RPA3: variants seen among roughly 807,000 people sequenced by gnomAD.
The protein encoded by RPA3 is replication protein A3, also known as replication protein A 14 kDa subunit.
RPA3 carries 24 observed loss-of-function variants against 13.7 expected under a neutral mutation model. The ratio of observed to expected loss-of-function variants is 1.75; its 90% CI spans 1.27 to 2.46. The LOEUF (loss-of-function observed/expected upper bound fraction) is 2.46. Ranked by LOEUF, RPA3 falls within the 30% of genes most tolerant of loss-of-function variation. The pLI is 0.00. For missense variants in RPA3, 183 were observed against 151.0 expected, an observed-to-expected ratio of 1.21 and a Z score of -1.11; for synonymous variants, 59 against 51.2, an observed-to-expected ratio of 1.15 and a Z score of -0.65.
intron 2 of RPA3, among the ~76,000 whole-genome samples, chr7:7,706,166 G>A (rs1780593932): frequency 6.6e-6 from 1 of 152,150 alleles, no homozygotes; most frequent in Admixed American, 6.5e-5. Context: ...CTGATTTGGG[G>A]AAGAGAGAGT....
rs56072266 is a variant in RPA3, at chr7:7,636,711, C to G, written c.*289G>C. On this transcript the variant is annotated 3_prime_UTR_variant, in exon 8 of 8. Coordinates refer to ENST00000223129, the MANE Select transcript of RPA3 (RefSeq NM_002947.5). ...ATTAAAAGAATGAAAATGAAATGAC[C>G]GATAGTACGTACCATTTTAGTTTTT... The G allele has an allele frequency of 3.7e-6, 1 of 272,320 alleles. No individual in the cohort carries two copies. Among genetic ancestry groups the G allele is most frequent in the South Asian group, 6.2e-5 (1 of 16,148 alleles). 16.9% of individuals were successfully genotyped at this position (272,320 alleles called of 1,614,324 possible).
At chr7:7,656,314 A>ATT (rs869099532) in intron 4 of RPA3, among the ~76,000 whole-genome samples, 1 of 150,878 alleles carries the variant, frequency 6.6e-6, no homozygotes, top group African/African-American at 2.4e-5. Flanking sequence ...ATTTAAAAAA[A>ATT]TTTTTTTTTT....
rs1319614687 is a variant in RPA3, at chr7:7,717,627, CTATT to C, written c.-1080+884_-1080+887del. 8.9e-4 allele frequency among the ~76,000 whole-genome samples: 135 copies of C among 152,274 alleles called. 1 individual carries two copies. Among genetic ancestry groups the C allele is most frequent in the Admixed American group, 8.6e-3 (131 of 15,294 alleles). ...TCAATCACATTGGCTAACATGGCCT[CTATT>C]TATTTAATTCATCTGTTTTTCCCAC... On this transcript the variant is annotated intron_variant, in intron 1 of 7. Transcript: ENST00000223129.
At chr7:7,657,389 T>G (rs1785369111) in intron 4 of RPA3, among the ~76,000 whole-genome samples, 1 of 152,360 alleles carries the variant, frequency 6.6e-6, no homozygotes, top group South Asian at 2.1e-4. Flanking sequence ...TCTTTGCCCA[T>G]GCCTATGTCC....
chr7:7,651,523 C>T (rs1785223405), intron 4 of RPA3, among the ~76,000 whole-genome samples: 1 of 152,162 alleles, frequency 6.6e-6, no homozygotes, highest in South Asian at 2.1e-4. Context: ...TATTATTTTC[C>T]CTATGGCCAT....
chr7:7,699,470 C>T (rs1780404879), intron 2 of RPA3, among the ~76,000 whole-genome samples: 2 of 151,906 alleles, frequency 1.3e-5, no homozygotes, highest in African/African-American at 4.9e-5. Flanking sequence ...AATCATTAAG[C>T]TGTTTAAAAA....
chr7:7,647,131 G>A (rs1343553826), intron 4 of RPA3, among the ~76,000 whole-genome samples: 1 of 152,122 alleles, frequency 6.6e-6, no homozygotes, highest in African/African-American at 2.4e-5. Flanking sequence ...AAACCTTTTA[G>A]ATCACTATAG....
intron 4 of RPA3, among the ~76,000 whole-genome samples, chr7:7,654,827 C>G (rs947695019): frequency 6.6e-6 from 1 of 150,780 alleles, no homozygotes; most frequent in Non-Finnish European, 1.5e-5. Flanking sequence ...TCGCTTGAAC[C>G]TGGAGGCAGA....
At chr7:7,662,614 CCT>C (rs2115092732) in intron 4 of RPA3, among the ~76,000 whole-genome samples, 1 of 152,280 alleles carries the variant, frequency 6.6e-6, no homozygotes, top group Admixed American at 6.5e-5. Context: ...GACACCCCAC[CCT>C]GTTTCTGTTC....
chr7:7,713,376 CAA>C, intron 2 of RPA3, among the ~76,000 whole-genome samples: 1 of 151,080 alleles, frequency 6.6e-6, no homozygotes, highest in Middle Eastern at 3.4e-3. Context: ...AACAAACAAA[CAA>C]ATCTAAGTTT....
intron 4 of RPA3, among the ~76,000 whole-genome samples, chr7:7,661,922 C>T (rs555177792): frequency 3.0e-4 from 46 of 152,286 alleles, no homozygotes; most frequent in African/African-American, 1.0e-3. Context: ...CCCCTTCCCC[C>T]GAGGTGCTCT....
At chr7:7,706,633 T>C (rs569117546) in intron 2 of RPA3, among the ~76,000 whole-genome samples, 1 of 152,288 alleles carries the variant, frequency 6.6e-6, no homozygotes, top group East Asian at 1.9e-4. Flanking sequence ...AGATAACTAA[T>C]AATAACTCAT....
chr7:7,658,310 C>G (rs1785393023), intron 4 of RPA3, among the ~76,000 whole-genome samples: 1 of 152,226 alleles, frequency 6.6e-6, no homozygotes. Flanking sequence ...ATTTCTTTCT[C>G]TTGCCTGATG....
At chr7:7,704,491 C>A (rs1164481046) in intron 2 of RPA3, among the ~76,000 whole-genome samples, 4 of 150,830 alleles carry the variant, frequency 2.7e-5, no homozygotes, top group Admixed American at 2.7e-4. Flanking sequence ...CGCGGTGGCT[C>A]ATGCCTGTAA....
intron 4 of RPA3, among the ~76,000 whole-genome samples, chr7:7,658,278 T>G (rs1785391978): frequency 6.6e-6 from 1 of 152,266 alleles, no homozygotes; most frequent in African/African-American, 2.4e-5. Context: ...TGGCTTCCTC[T>G]TTTCCTATTC....
At chr7:7,700,492 A>T (rs1170560476) in intron 2 of RPA3, among the ~76,000 whole-genome samples, 1 of 152,130 alleles carries the variant, frequency 6.6e-6, no homozygotes, top group Non-Finnish European at 1.5e-5. Flanking sequence ...TGGGAGGCCA[A>T]TGTGGGAAGA....
At chr7:7,703,526 A>C (rs77859148) in intron 2 of RPA3, among the ~76,000 whole-genome samples, 3,948 of 152,308 alleles carry the variant, frequency 0.026, 177 homozygotes, top group African/African-American at 0.09. Flanking sequence ...TTTGTAACCT[A>C]TATTGAATCC....
intron 4 of RPA3, among the ~76,000 whole-genome samples, chr7:7,677,584 T>G (rs1245947934): frequency 6.6e-6 from 1 of 152,226 alleles, no homozygotes; most frequent in South Asian, 2.1e-4. Flanking sequence ...AAGGACAGGA[T>G]TTCATTCTTT....
At chr7:7,653,887 TA>T (rs1785282763) in intron 4 of RPA3, among the ~76,000 whole-genome samples, 1 of 152,178 alleles carries the variant, frequency 6.6e-6, no homozygotes, top group South Asian at 2.1e-4. Flanking sequence ...CTAAACATGA[TA>T]CAGTGCTAAG....
Sources: allele counts gnomAD v4.1 joint callset (sites outside exome capture counted in the v4.1 genomes callset), GRCh38; gene constraint gnomAD v4.1.1; transcripts MANE v1.5; gene names NCBI Gene and HGNC (gene_info 2026-07-23, HGNC 2026-07-21).